Variants in DLC1 observed in about 807,000 individuals in gnomAD.
The protein encoded by DLC1 is DLC1 Rho GTPase activating protein.
In DLC1, 54 loss-of-function variants were observed where a neutral mutation model predicts 140.3. The ratio of observed to expected loss-of-function variants is 0.38; its 90% CI spans 0.31 to 0.48. DLC1 has a LOEUF of 0.48. DLC1 is among the 20% of genes least tolerant of loss of function. The pLI, the probability that DLC1 is intolerant of heterozygous loss-of-function variation, is 0.96. For synonymous variants in DLC1, 986 were observed against 728.1 expected, an observed-to-expected ratio of 1.35 and a Z score of -5.70; for missense variants, 2,536 against 1,907.0, an observed-to-expected ratio of 1.33 and a Z score of -6.14.
At chr8:13,193,885 A>G (rs1051235415) in intron 5 of DLC1, among the ~76,000 whole-genome samples, 4 of 152,198 alleles carry the variant, frequency 2.6e-5, no homozygotes, top group African/African-American at 9.6e-5. Flanking sequence ...ATGAGCACCT[A>G]TTTTGGTAAC....
Position 13,401,667 on chromosome 8 carries a change from A to G in DLC1, c.1024-48T>C, listed in dbSNP as rs757548645. ...ACTGAATCTGAAAGGCCATTTCTTA[A>G]TAAGAATAAAAAGTTCCCTGTTCTT... On this transcript the variant is annotated intron_variant, in intron 2 of 17. Coordinates refer to ENST00000276297, the MANE Select transcript of DLC1 (RefSeq NM_182643.3). 14 of 1,583,042 alleles carry G rather than the reference A, an allele frequency of 8.8e-6. 1 individual carries two copies. Among genetic ancestry groups the G allele is most frequent in the Middle Eastern group, 2.0e-4 (1 of 5,100 alleles).
chr8:13,350,432 C>T (rs186428336), intron 4 of DLC1, among the ~76,000 whole-genome samples: 2 of 152,116 alleles, frequency 1.3e-5, no homozygotes, highest in African/African-American at 4.8e-5. Context: ...AGAAAAACAC[C>T]AGGCCAGGCG....
At chr8:13,501,539 G>A (rs1040185487) in intron 1 of DLC1, among the ~76,000 whole-genome samples, 1 of 152,094 alleles carries the variant, frequency 6.6e-6, no homozygotes, top group Non-Finnish European at 1.5e-5. Flanking sequence ...ACTGATTTTC[G>A]ATCTCTTTAG....
chr8:13,481,961 G>T (rs1800758551), intron 2 of DLC1, among the ~76,000 whole-genome samples: 1 of 152,142 alleles, frequency 6.6e-6, no homozygotes, highest in Non-Finnish European at 1.5e-5. Flanking sequence ...GCCAAAGAAT[G>T]CCAAAGATTA....
chr8:13,380,945 C>G (rs1836225555), intron 4 of DLC1, among the ~76,000 whole-genome samples: 2 of 152,146 alleles, frequency 1.3e-5, no homozygotes, highest in African/African-American at 2.4e-5. Flanking sequence ...AAACATCCAC[C>G]TCCAACACAC....
At chr8:13,188,443 A>G (rs1425860992) in intron 5 of DLC1, among the ~76,000 whole-genome samples, 1 of 143,426 alleles carries the variant, frequency 7.0e-6, no homozygotes, top group African/African-American at 2.6e-5. Context: ...AAAAAAAAAG[A>G]AAAGTAATGA....
At position 13,172,631 on chromosome 8, in the gene DLC1, G is replaced by C. The variant is rs533478322; in HGVS notation, c.1349-56974C>G. On this transcript the variant is annotated intron_variant, in intron 5 of 17. Coordinates refer to ENST00000276297, the MANE Select transcript of DLC1 (RefSeq NM_182643.3). ...ACAGTAAGTGGCAGGATGGGGATTT[G>C]AACTTGCCAGATTTCAGTTAGGAGC... Among the ~76,000 whole-genome samples the C allele has an allele frequency of 2.0e-5, 3 of 152,326 alleles. No individual in the cohort carries two copies. In the South Asian group the frequency reaches 6.2e-4, roughly 32 times the overall value.
intron 4 of DLC1, among the ~76,000 whole-genome samples, chr8:13,380,446 C>G (rs1380689907): frequency 3.3e-5 from 5 of 152,152 alleles, no homozygotes; most frequent in African/African-American, 7.2e-5. Flanking sequence ...TTAATATTCC[C>G]CTTCCTCCAC....
In DLC1 at chr8:13,393,599, G is replaced by A. The variant is rs900757500; in HGVS notation, c.1268C>T (p.Pro423Leu). ...LSSDTESTDL[P>L]SSTPVANSGT... is the part of the protein sequence containing the mutation. ...AGAATTGGCTACTGGAGTGGAAGAT[G>A]GGAGGTCCGTGGACTCAGTGTCAGA... Residue 423 changes from proline (P) to leucine (L), a missense_variant, in exon 4 of 18, where the codon CCA becomes CTA. Coordinates refer to ENST00000276297, the MANE Select transcript of DLC1 (RefSeq NM_182643.3). 16 of 1,613,974 alleles carry A rather than the reference G, an allele frequency of 9.9e-6. No individual in the cohort carries two copies. The highest frequency in any genetic ancestry group is 2.7e-5 in the African/African-American group (2 of 74,900).
chr8:13,322,356 T>C (rs1833158612), intron 4 of DLC1, among the ~76,000 whole-genome samples: 1 of 152,198 alleles, frequency 6.6e-6, no homozygotes. Context: ...CTATTTAAAG[T>C]ACAAGTATGT....
chr8:13,240,184 A>G (rs1427048121), intron 5 of DLC1, among the ~76,000 whole-genome samples: 1 of 152,144 alleles, frequency 6.6e-6, no homozygotes, highest in African/African-American at 2.4e-5. Flanking sequence ...ATCTCTGTGC[A>G]GTTTACCAGG....
intron 5 of DLC1, among the ~76,000 whole-genome samples, chr8:13,153,986 T>G (rs555091367): frequency 1.4e-4 from 22 of 152,102 alleles, no homozygotes; most frequent in African/African-American, 5.1e-4. Context: ...GTGATTGGTG[T>G]GTTTATAATC....
At chr8:13,282,832 G>A (rs1329065999) in intron 5 of DLC1, among the ~76,000 whole-genome samples, 1 of 152,108 alleles carries the variant, frequency 6.6e-6, no homozygotes, top group African/African-American at 2.4e-5. Flanking sequence ...TCTTTTTGAT[G>A]AGACTGAAAT....
chr8:13,132,572 A>C (rs949539271), intron 5 of DLC1, among the ~76,000 whole-genome samples: 5 of 152,154 alleles, frequency 3.3e-5, no homozygotes, highest in African/African-American at 1.2e-4. Context: ...GAGGAAAGGA[A>C]GGTAGAAGGC....
chr8:13,460,483 A>C (rs1799609317), intron 2 of DLC1, among the ~76,000 whole-genome samples: 1 of 152,226 alleles, frequency 6.6e-6, no homozygotes, highest in Non-Finnish European at 1.5e-5. Flanking sequence ...GGCAAATAAA[A>C]ATCCATCTCC....
At chr8:13,395,933 C>G (rs1339303361) in intron 3 of DLC1, among the ~76,000 whole-genome samples, 1 of 151,584 alleles carries the variant, frequency 6.6e-6, no homozygotes, top group African/African-American at 2.4e-5. Flanking sequence ...GGATCAACAT[C>G]AAGTAGTCTT....
intron 2 of DLC1, among the ~76,000 whole-genome samples, chr8:13,448,639 G>A (rs1359025912): frequency 3.9e-5 from 6 of 152,154 alleles, no homozygotes; most frequent in African/African-American, 7.2e-5. Flanking sequence ...GATTACAGGC[G>A]TGAGCCACCG....
At chr8:13,256,756 A>G (rs1201361076) in intron 5 of DLC1, among the ~76,000 whole-genome samples, 1 of 152,062 alleles carries the variant, frequency 6.6e-6, no homozygotes, top group African/African-American at 2.4e-5. Context: ...GAGCATTAAG[A>G]CAAATACCTA....
At chr8:13,440,988 T>C (rs1405008953) in intron 2 of DLC1, among the ~76,000 whole-genome samples, 1 of 152,202 alleles carries the variant, frequency 6.6e-6, no homozygotes, top group Non-Finnish European at 1.5e-5. Flanking sequence ...ATTCACACTT[T>C]CTTGGATAGC....
Sources: allele counts gnomAD v4.1 joint callset (sites outside exome capture counted in the v4.1 genomes callset), GRCh38; gene constraint gnomAD v4.1.1; transcripts MANE v1.5; gene names NCBI Gene and HGNC (gene_info 2026-07-23, HGNC 2026-07-21).